Variants in CCR3 observed in about 807,000 individuals in gnomAD.
CCR3 encodes the protein C-C motif chemokine receptor 3, also known as C-C chemokine receptor type 3.
For synonymous variants in CCR3, 203 were observed against 179.2 expected, an observed-to-expected ratio of 1.13 and a Z score of -1.06; for missense variants, 419 against 437.5, an observed-to-expected ratio of 0.96 and a Z score of 0.38.
At chr3:46,246,477 T>A (rs1010747102) in intron 1 of CCR3, among the ~76,000 whole-genome samples, 2 of 145,458 alleles carry the variant, frequency 1.4e-5, no homozygotes, top group African/African-American at 5.1e-5. Flanking sequence ...GGAGTGGGGG[T>A]CGCAAGGTGC....
chr3:46,266,672 G>GT lies in CCR3; in HGVS notation c.*452dup, dbSNP rs1436207689. 1.2e-5 allele frequency: 2 copies of GT among 170,256 alleles called. No homozygotes were observed. Among genetic ancestry groups the GT allele is most frequent in the Non-Finnish European group, 2.8e-5 (2 of 70,616 alleles). The allele number at this position is 170,256 out of a possible 1,614,324, so 10.5% of individuals were successfully genotyped here. ...TCTTTCCCTGCTTAATGAAAAGCTT[G>GT]TTTTTTCAGTGTGAATAAATAATCG... On this transcript the variant is annotated 3_prime_UTR_variant, in exon 2 of 2. Transcript: ENST00000395940.
At chr3:46,226,573 AC>A (rs1699898768) in intron 2 of CCR3, among the ~76,000 whole-genome samples, 1 of 152,084 alleles carries the variant, frequency 6.6e-6, no homozygotes, top group Non-Finnish European at 1.5e-5. Flanking sequence ...TTCTATGTAG[AC>A]CGCTATGTCT....
intron 2 of CCR3, among the ~76,000 whole-genome samples, chr3:46,211,399 T>A (rs6789792): frequency 0.046 from 5,769 of 126,354 alleles, 324 homozygotes; most frequent in African/African-American, 0.13. Flanking sequence ...ATATATATAT[T>A]TTTTGTAGAA....
intron 2 of CCR3, among the ~76,000 whole-genome samples, chr3:46,214,264 C>G (rs922607804): frequency 1.3e-5 from 2 of 152,106 alleles, no homozygotes; most frequent in Non-Finnish European, 2.9e-5. Flanking sequence ...CAAGCCCCCA[C>G]CTCTCACCTC....
chr3:46,264,024 G>A (rs1289090356), intron 1 of CCR3: 1 of 196,394 alleles, frequency 5.1e-6, no homozygotes, highest in Non-Finnish European at 1.0e-5. Flanking sequence ...GATGCCCTCT[G>A]AGGAACTAGT....
intron 2 of CCR3, among the ~76,000 whole-genome samples, chr3:46,234,460 C>T (rs1320619855): frequency 2.6e-5 from 4 of 152,134 alleles, no homozygotes; most frequent in African/African-American, 9.7e-5. Context: ...ACCACATACC[C>T]TTTCAGAGTC....
intron 1 of CCR3, among the ~76,000 whole-genome samples, chr3:46,246,214 AT>A (rs1234729519): frequency 1.3e-5 from 2 of 152,108 alleles, no homozygotes; most frequent in Non-Finnish European, 2.9e-5. Flanking sequence ...AGCATCTTTC[AT>A]TTGTCAGGCA....
chr3:46,264,630 T>C (rs1700583843), intron 1 of CCR3: 2 of 562,146 alleles, frequency 3.6e-6, no homozygotes, highest in Non-Finnish European at 6.2e-6. Flanking sequence ...CCATTAACTA[T>C]AATGAATGGC....
At chr3:46,246,491 G>A (rs906846290) in intron 1 of CCR3, among the ~76,000 whole-genome samples, 2 of 152,092 alleles carry the variant, frequency 1.3e-5, no homozygotes, top group African/African-American at 2.4e-5. Flanking sequence ...AAGGTGCTCA[G>A]TGGGGGTGAT....
intron 1 of CCR3, among the ~76,000 whole-genome samples, chr3:46,251,005 GC>G: frequency 6.6e-6 from 1 of 152,020 alleles, no homozygotes; most frequent in East Asian, 1.9e-4. Context: ...GGGGGTTCTT[GC>G]CCCCTAGAAA....
At position 46,265,933 on chromosome 3, in the gene CCR3, A is replaced by G. The variant is rs371715616; in HGVS notation, c.775A>G (p.Ile259Val). ...TTTCTGGACACCCTACAATGTGGCTATCCTTCTCTCTTCCTATCAATCCAT... is the reference window on the plus strand; with the variant it reads ...TTTCTGGACACCCTACAATGTGGCTGTCCTTCTCTCTTCCTATCAATCCAT... ...FIFWTPYNVA[I>V]LLSSYQSILF... Residue 259 changes from isoleucine (I) to valine (V), a missense_variant, in exon 2 of 2, where the codon ATC becomes GTC. Physicochemically the swap from Ile to Val is conservative, Grantham distance 29. Coordinates refer to ENST00000395940, the MANE Select transcript of CCR3 (RefSeq NM_178329.3). The G allele has an allele frequency of 4.3e-6, 7 of 1,614,116 alleles. No individual in the cohort carries two copies. The Admixed American group carries it at 6.7e-5, about 15-fold the overall frequency.
chr3:46,225,070 C>T (rs1699879151), intron 2 of CCR3, among the ~76,000 whole-genome samples: 1 of 152,088 alleles, frequency 6.6e-6, no homozygotes, highest in African/African-American at 2.4e-5. Context: ...ATAAATTAGT[C>T]ATATGAGAGA....
chr3:46,236,630 G>A (rs563582884), intron 2 of CCR3, among the ~76,000 whole-genome samples: 6 of 152,344 alleles, frequency 3.9e-5, no homozygotes, highest in South Asian at 2.1e-4. Flanking sequence ...CACTGGTTCT[G>A]CTGGCCCTCT....
intron 1 of CCR3, among the ~76,000 whole-genome samples, chr3:46,257,525 C>T (rs1464351496): frequency 4.1e-5 from 6 of 145,992 alleles, no homozygotes; most frequent in Non-Finnish European, 8.9e-5. Context: ...TCATTAGACA[C>T]TTAAGATGAA....
intron 2 of CCR3, among the ~76,000 whole-genome samples, chr3:46,217,227 T>C (rs1023059646): frequency 2.6e-5 from 4 of 152,164 alleles, no homozygotes; most frequent in African/African-American, 9.7e-5. Flanking sequence ...AGAAACATTA[T>C]GTAATGATAA....
In CCR3 at chr3:46,266,178, C is replaced by T. The variant is rs1341638329; in HGVS notation, c.1020C>T (p.Ser340=). ...CTAGTGAGAAGCTGGAAAGAACCAG[C>T]TCTGTCTCTCCATCCACAGCAGAGC... ...FLPSEKLERT[S]SVSPSTAEPE... Residue 340 remains serine, a synonymous_variant, in exon 2 of 2, where the codon AGC becomes AGT. Transcript: ENST00000395940. 2 of 1,613,918 alleles carry T rather than the reference C, an allele frequency of 1.2e-6. No individual in the cohort carries two copies. The highest frequency in any genetic ancestry group is 1.3e-5 in the African/African-American group (1 of 74,922).
At chr3:46,247,454 C>T (rs1383162420) in intron 1 of CCR3, among the ~76,000 whole-genome samples, 3 of 152,094 alleles carry the variant, frequency 2.0e-5, no homozygotes, top group African/African-American at 4.8e-5. Flanking sequence ...AAAGTATTGT[C>T]CAGTTCTTTT....
intron 1 of CCR3, chr3:46,263,666 C>A (rs529285007): frequency 2.2e-4 from 34 of 152,306 alleles, no homozygotes; most frequent in African/African-American, 7.9e-4. Context: ...AATGTGAACT[C>A]ACATACACTC....
At chr3:46,259,507 T>C (rs1700485076) in intron 1 of CCR3, among the ~76,000 whole-genome samples, 1 of 152,170 alleles carries the variant, frequency 6.6e-6, no homozygotes, top group East Asian at 1.9e-4. Flanking sequence ...ATTCATATAA[T>C]TTCTGAAACA....
Sources: allele counts gnomAD v4.1 joint callset (sites outside exome capture counted in the v4.1 genomes callset), GRCh38; gene constraint gnomAD v4.1.1; transcripts MANE v1.5; gene names NCBI Gene and HGNC (gene_info 2026-07-23, HGNC 2026-07-21).